The following DIP2C variants were observed in gnomAD, a reference collection of about 807,000 sequenced individuals.
The protein encoded by DIP2C is DIP2 acetate--CoA ligase C (putative).
Under a neutral mutation model 192.4 loss-of-function variants are expected in DIP2C, and 33 were observed. That is an observed-to-expected ratio of 0.17 (90% confidence interval 0.13 to 0.23). The LOEUF (loss-of-function observed/expected upper bound fraction) is 0.23. Among genes scored for constraint, DIP2C ranks in the 10% least tolerant of loss-of-function variants. DIP2C has a pLI of 1.00. For missense variants in DIP2C, 1,537 were observed against 2,110.1 expected, an observed-to-expected ratio of 0.73 and a Z score of 5.32; for synonymous variants, 979 against 864.1, an observed-to-expected ratio of 1.13 and a Z score of -2.33.
chr10:549,301 T>C (rs1030052956), intron 1 of DIP2C, among the ~76,000 whole-genome samples: 7 of 152,048 alleles, frequency 4.6e-5, no homozygotes, highest in African/African-American at 1.7e-4. Context: ...ACAAGTAAGC[T>C]ATGTCTCAAT....
intron 3 of DIP2C, among the ~76,000 whole-genome samples, chr10:444,970 A>G (rs7912374): frequency 0.16 from 24,283 of 152,174 alleles, 5,018 homozygotes; most frequent in African/African-American, 0.48. Flanking sequence ...CATATGGTAA[A>G]TGTACACATT....
At chr10:680,232 T>C (rs1410462616) in intron 1 of DIP2C, among the ~76,000 whole-genome samples, 1 of 151,060 alleles carries the variant, frequency 6.6e-6, no homozygotes, top group African/African-American at 2.4e-5. Flanking sequence ...CAGAAGAAGG[T>C]CACCCACAAG....
intron 1 of DIP2C, among the ~76,000 whole-genome samples, chr10:576,346 T>C (rs987490737): frequency 2.0e-5 from 3 of 152,150 alleles, no homozygotes; most frequent in African/African-American, 4.8e-5. Flanking sequence ...CTCATACGTG[T>C]GTTGAAAGGC....
chr10:550,479 T>C (rs1356745001), intron 1 of DIP2C, among the ~76,000 whole-genome samples: 1 of 152,166 alleles, frequency 6.6e-6, no homozygotes, highest in Non-Finnish European at 1.5e-5. Context: ...GGCTCTAAGA[T>C]CATCTCGGCA....
intron 1 of DIP2C, among the ~76,000 whole-genome samples, chr10:519,574 G>A (rs758359159): frequency 2.6e-5 from 4 of 152,120 alleles, no homozygotes; most frequent in Non-Finnish European, 5.9e-5. Context: ...CTGGCACCAC[G>A]AGCCTGGGAA....
chr10:582,498 G>T (rs998154330), intron 1 of DIP2C, among the ~76,000 whole-genome samples: 1 of 152,176 alleles, frequency 6.6e-6, no homozygotes, highest in African/African-American at 2.4e-5. Flanking sequence ...TGGGAGGATC[G>T]CCTGAGCCAG....
intron 1 of DIP2C, among the ~76,000 whole-genome samples, chr10:595,034 T>C (rs1208934247): frequency 1.3e-5 from 2 of 152,186 alleles, no homozygotes; most frequent in East Asian, 3.9e-4. Context: ...GTGCAGTGTG[T>C]CCGATGCCCG....
At chr10:626,909 T>G (rs1274958166) in intron 1 of DIP2C, among the ~76,000 whole-genome samples, 1 of 152,242 alleles carries the variant, frequency 6.6e-6, no homozygotes, top group Non-Finnish European at 1.5e-5. Flanking sequence ...CCATTCCCAT[T>G]TATTCTTTGG....
intron 1 of DIP2C, among the ~76,000 whole-genome samples, chr10:495,423 T>A (rs1338370081): frequency 6.6e-6 from 1 of 152,114 alleles, no homozygotes; most frequent in African/African-American, 2.4e-5. Flanking sequence ...ACAAATTAAC[T>A]ACAAGGTGAG....
chr10:576,850 T>C (rs745969365), intron 1 of DIP2C, among the ~76,000 whole-genome samples: 70 of 152,200 alleles, frequency 4.6e-4, no homozygotes, highest in South Asian at 1.2e-3. Context: ...GAGGAGGTTG[T>C]AGTGAACCAA....
Position 638,873 on chromosome 10 carries a change from A to T in DIP2C, c.85+50621T>A, listed in dbSNP as rs564373289. On this transcript the variant is annotated intron_variant, in intron 1 of 36. Transcript: ENST00000280886. ...CATCATCCTTTCCAGGACAGGCTCT[A>T]ATTCCGCCTCCGGGCCCTTTTGCAA... Among the ~76,000 whole-genome samples the T allele has an allele frequency of 3.9e-5, 6 of 152,372 alleles. No homozygotes were observed. In the South Asian group the frequency reaches 8.3e-4, roughly 21 times the overall value.
At chr10:649,268 G>A (rs1403245013) in intron 1 of DIP2C, among the ~76,000 whole-genome samples, 1 of 149,632 alleles carries the variant, frequency 6.7e-6, no homozygotes, top group African/African-American at 2.5e-5. Context: ...GGAAAACTGA[G>A]TCCACGTCAA....
chr10:289,731 C>T (rs1955382502), intron 32 of DIP2C, among the ~76,000 whole-genome samples: 2 of 152,154 alleles, frequency 1.3e-5, no homozygotes, highest in Admixed American at 1.3e-4. Flanking sequence ...GGGACCAGTC[C>T]AGCACAGCCC....
intron 1 of DIP2C, among the ~76,000 whole-genome samples, chr10:681,119 C>T (rs1297148134): frequency 9.2e-5 from 14 of 152,138 alleles, no homozygotes; most frequent in Non-Finnish European, 1.5e-4. Flanking sequence ...ACAGAAATTC[C>T]GAGGAATGCA....
At chr10:349,584 G>A in intron 24 of DIP2C, 130 bp from the exon 25 acceptor site, 1 of 1,266,036 alleles carries the variant, frequency 7.9e-7, no homozygotes, top group Non-Finnish European at 1.1e-6. Flanking sequence ...GCACAGACCT[G>A]TGCAACCAAC....
intron 10 of DIP2C, among the ~76,000 whole-genome samples, chr10:391,861 G>C (rs181553989): frequency 3.2e-4 from 49 of 152,298 alleles, no homozygotes; most frequent in African/African-American, 1.1e-3. Context: ...CTGAAGAGTG[G>C]TGTTTTCACC....
chr10:581,239 A>C (rs548783868), intron 1 of DIP2C, among the ~76,000 whole-genome samples: 1 of 152,330 alleles, frequency 6.6e-6, no homozygotes, highest in Non-Finnish European at 1.5e-5. Flanking sequence ...GCTGGGGAAA[A>C]AACAACAAAA....
intron 1 of DIP2C, among the ~76,000 whole-genome samples, chr10:572,198 AG>A (rs1468136627): frequency 1.3e-5 from 2 of 152,216 alleles, no homozygotes; most frequent in Non-Finnish European, 2.9e-5. Context: ...CAGTGTTCTA[AG>A]GATCACACGT....
chr10:405,710 C>A (rs550286570), intron 9 of DIP2C, among the ~76,000 whole-genome samples: 6 of 152,194 alleles, frequency 3.9e-5, no homozygotes, highest in Non-Finnish European at 8.8e-5. Context: ...TTCTTTGATA[C>A]TTCACTGTAC....
Sources: allele counts gnomAD v4.1 joint callset (sites outside exome capture counted in the v4.1 genomes callset), GRCh38; gene constraint gnomAD v4.1.1; transcripts MANE v1.5; gene names NCBI Gene and HGNC (gene_info 2026-07-23, HGNC 2026-07-21).